IL16: variants seen among roughly 807,000 people sequenced by gnomAD.
IL16 encodes the protein interleukin 16.
IL16 carries 67 observed loss-of-function variants against 110.1 expected under a neutral mutation model. The ratio of observed to expected loss-of-function variants is 0.61; its 90% CI spans 0.50 to 0.75. The LOEUF (loss-of-function observed/expected upper bound fraction) is 0.75. IL16 is among the 30% of genes least tolerant of loss of function. The probability of loss-of-function intolerance (pLI) is 0.00; values close to 1 mark genes in which losing one functional copy is unlikely to be tolerated. For synonymous variants in IL16, 689 were observed against 662.9 expected, an observed-to-expected ratio of 1.04 and a Z score of -0.61; for missense variants, 1,545 against 1,655.0, an observed-to-expected ratio of 0.93 and a Z score of 1.15.
intron 1 of IL16, among the ~76,000 whole-genome samples, chr15:81,214,055 G>A (rs571533119): frequency 3.3e-5 from 5 of 151,884 alleles, no homozygotes; most frequent in South Asian, 4.2e-4. Flanking sequence ...TTGTTTTTGT[G>A]GCAGTAGGTA....
In IL16 at chr15:81,303,503, TC is replaced by T; in HGVS notation, c.3319-44del. ...TGTCAGTCCGATGTTAAATTGTTCA[TC>T]CTCTTGCAGTAAAATGTTTTTGAAT... On this transcript the variant is annotated intron_variant, in intron 15 of 18. Coordinates refer to ENST00000683961, the MANE Select transcript of IL16 (RefSeq NM_172217.5). The surrounding 1 kb of genome is among the most constrained non-coding windows in gnomAD (Gnocchi z 4.1). 7.8e-7 allele frequency: 1 copy of T among 1,290,196 alleles called. No homozygotes were observed. Among genetic ancestry groups the T allele is most frequent in the Non-Finnish European group, 1.1e-6 (1 of 886,914 alleles). 79.9% of individuals were successfully genotyped at this position (1,290,196 alleles called of 1,614,324 possible).
chr15:81,276,558 G>A (rs183092571), intron 6 of IL16, among the ~76,000 whole-genome samples: 55 of 152,300 alleles, frequency 3.6e-4, no homozygotes, highest in Non-Finnish European at 7.2e-4. Context: ...AGGCCCCAGG[G>A]GAGCAACAAG....
intron 13 of IL16, among the ~76,000 whole-genome samples, chr15:81,298,434 G>C (rs17875509): frequency 0.13 from 19,865 of 152,176 alleles, 1,787 homozygotes; most frequent in African/African-American, 0.25. Flanking sequence ...TATGATGCTG[G>C]TTCAATGCTG....
intron 2 of IL16, among the ~76,000 whole-genome samples, chr15:81,248,507 TA>T (rs200253894): frequency 0.01 from 1,518 of 149,600 alleles, 21 homozygotes; most frequent in African/African-American, 0.035. Flanking sequence ...TTAAAATTAT[TA>T]AAAATTATCT....
intron 2 of IL16, among the ~76,000 whole-genome samples, chr15:81,244,621 G>A (rs1897471000): frequency 6.6e-6 from 1 of 151,982 alleles, no homozygotes; most frequent in African/African-American, 2.4e-5. Context: ...ATAATTTTAT[G>A]TGTCTAGTTT....
chr15:81,185,097 C>T (rs938595968), intron 1 of IL16, among the ~76,000 whole-genome samples: 3 of 152,024 alleles, frequency 2.0e-5, no homozygotes, highest in Non-Finnish European at 2.9e-5. Context: ...GAGGGTGGGG[C>T]GTAGGGTTTG....
chr15:81,292,793 T>G lies in IL16; in HGVS notation c.1658T>G (p.Val553Gly), dbSNP rs767257824. The G allele has an allele frequency of 1.2e-6, 2 of 1,614,076 alleles. No individual in the cohort carries two copies. Among genetic ancestry groups the G allele is most frequent in the Non-Finnish European group, 1.7e-6 (2 of 1,180,022 alleles). The stretch of plus-strand genomic sequence containing the variant: ...AGCTTGCCTCTGGCACGGGAGCCAG[T>G]GGTGCTTTCTATAGCATCCTCCAGG... ...SPSLPLAREP[V>G]VLSIASSRLP... The change falls in exon 12 of 19, where the codon GTG (valine) becomes GGG (glycine). Residue 553 changes from valine (V) to glycine (G), a missense_variant. This residue lies in a region of IL16 where 1,185 missense variants were observed against 1,238.8 expected (regional missense o/e 0.96). Transcript: ENST00000683961.
chr15:81,201,896 T>C (rs748929644), intron 1 of IL16, among the ~76,000 whole-genome samples: 3 of 152,174 alleles, frequency 2.0e-5, no homozygotes, highest in Non-Finnish European at 2.9e-5. Flanking sequence ...ACCTCATTCT[T>C]CTCCATATCT....
intron 11 of IL16, chr15:81,292,056 A>G (rs1233331046): frequency 6.8e-6 from 3 of 443,188 alleles, no homozygotes; most frequent in Non-Finnish European, 1.4e-5. Context: ...GACGGAGCTG[A>G]GGTGCACACC....
chr15:81,261,552 G>A (rs1042936565), intron 3 of IL16, among the ~76,000 whole-genome samples: 65 of 152,254 alleles, frequency 4.3e-4, no homozygotes, highest in Admixed American at 3.7e-3. Flanking sequence ...GTGGCCTGTC[G>A]GTTCCAGTGC....
intron 3 of IL16, among the ~76,000 whole-genome samples, chr15:81,260,565 G>A (rs74333219): frequency 0.011 from 1,637 of 152,192 alleles, 31 homozygotes; most frequent in African/African-American, 0.038. Flanking sequence ...CCTGTTATTA[G>A]GTATTTAAGT....
intron 12 of IL16, chr15:81,295,298 G>A: frequency 9.5e-7 from 1 of 1,048,138 alleles, no homozygotes; most frequent in Non-Finnish European, 1.2e-6. Context: ...ACACTAGTAA[G>A]AGAAAAATTT....
chr15:81,216,124 C>T (rs1451362723), intron 1 of IL16, among the ~76,000 whole-genome samples: 1 of 152,178 alleles, frequency 6.6e-6, no homozygotes, highest in East Asian at 1.9e-4. Flanking sequence ...GCCAGCGCCT[C>T]CCAGAGGGGA....
At chr15:81,183,010 G>T in intron 1 of IL16, 2 of 569,536 alleles carry the variant, frequency 3.5e-6, no homozygotes, top group Non-Finnish European at 5.9e-6. Context: ...GTCCCACTGT[G>T]TAGTATATGA....
At chr15:81,268,437 C>T (rs561543462) in intron 4 of IL16, among the ~76,000 whole-genome samples, 28 of 152,342 alleles carry the variant, frequency 1.8e-4, no homozygotes, top group South Asian at 1.4e-3. Flanking sequence ...AGTGGCCTTC[C>T]GAAGGTCATC....
At position 81,306,345 on chromosome 15, in the gene IL16, GCTCA is replaced by G. The variant is rs1900557621; in HGVS notation, c.3680-72_3680-69del. 7 of 1,588,476 alleles carry G rather than the reference GCTCA, an allele frequency of 4.4e-6. No individual in the cohort carries two copies. The African/African-American group carries it at 8.1e-5, about 18-fold the overall frequency. ...AAACACGGGGGCTGTATCACCCCGG[GCTCA>G]CTTGAAGCCCAGGGCATCTGTGGCC... On this transcript the variant is annotated intron_variant, in intron 17 of 18. Transcript: ENST00000683961.
intron 1 of IL16, among the ~76,000 whole-genome samples, chr15:81,183,155 G>A (rs1034302901): frequency 3.9e-5 from 6 of 152,208 alleles, no homozygotes; most frequent in East Asian, 3.9e-4. Flanking sequence ...CAGAGAGTTC[G>A]GGAAGGGCAA....
At chr15:81,234,238 A>C (rs902899042) in intron 2 of IL16, among the ~76,000 whole-genome samples, 2 of 152,064 alleles carry the variant, frequency 1.3e-5, no homozygotes, top group Non-Finnish European at 2.9e-5. Context: ...GTAGGTGTTT[A>C]CACTATTTAC....
At chr15:81,262,093 C>G (rs1467305209) in intron 3 of IL16, among the ~76,000 whole-genome samples, 2 of 152,030 alleles carry the variant, frequency 1.3e-5, no homozygotes, top group African/African-American at 4.8e-5. Context: ...TGAAGTTAAA[C>G]ATTCATACAG....
Sources: gnomAD v4.1 joint callset for allele counts (sites outside exome capture counted in the v4.1 genomes callset) on GRCh38, gnomAD v4.1.1 for gene constraint, gnomAD v4.1.1 regional missense constraint, Gnocchi (gnomAD v3.1) non-coding constraint, MANE v1.5 for transcripts, NCBI Gene and HGNC (gene_info 2026-07-23, HGNC 2026-07-21) for gene names.